The following THSD7B variants were observed in gnomAD, a reference collection of about 807,000 sequenced individuals.
THSD7B encodes thrombospondin type-1 domain-containing protein 7B.
THSD7B carries 138 observed loss-of-function variants against 213.6 expected under a neutral mutation model. The observed-to-expected ratio is 0.65, with a 90% CI of 0.56 to 0.74. The LOEUF is 0.74. Ranked by LOEUF, THSD7B falls within the 30% of genes least tolerant of loss-of-function variation. THSD7B has a pLI of 0.00. For synonymous variants in THSD7B, 742 were observed against 687.0 expected, an observed-to-expected ratio of 1.08 and a Z score of -1.25; for missense variants, 1,931 against 1,991.5, an observed-to-expected ratio of 0.97 and a Z score of 0.58.
chr2:137,663,478 A>T lies in THSD7B; in HGVS notation c.4554A>T (p.Lys1518Asn). 6.2e-7 allele frequency: 1 copy of T among 1,602,650 alleles called. No homozygotes were observed. Among genetic ancestry groups the T allele is most frequent in the Non-Finnish European group, 8.5e-7 (1 of 1,173,810 alleles). The change falls in exon 26 of 28, where the codon AAA becomes AAT. Residue 1518 changes from lysine (K) to asparagine (N), a missense_variant. Lys to Asn is a moderately conservative substitution (Grantham distance 94). Coordinates refer to ENST00000409968, the MANE Select transcript of THSD7B (RefSeq NM_001316349.2). ...TGAAAGTACCAGGCTCAGAGGATAAAAAAGCTGATGTGAAAAACCTTTCTG... is the reference window on the plus strand; with the variant it reads ...TGAAAGTACCAGGCTCAGAGGATAATAAAGCTGATGTGAAAAACCTTTCTG... ...YCMKVPGSED[K>N]KADVKNLSGK...
intron 3 of THSD7B, among the ~76,000 whole-genome samples, chr2:137,076,534 T>C (rs1315801506): frequency 6.6e-6 from 1 of 152,240 alleles, no homozygotes; most frequent in Non-Finnish European, 1.5e-5. Flanking sequence ...CCCCTTGTGC[T>C]TCCCGGGTGA....
chr2:136,819,746 G>A (rs941534309), intron 1 of THSD7B, among the ~76,000 whole-genome samples: 3 of 152,090 alleles, frequency 2.0e-5, no homozygotes, highest in African/African-American at 7.2e-5. Flanking sequence ...AATTATATTG[G>A]CCAATGCATT....
In THSD7B at chr2:137,098,907, A is replaced by T. The variant is rs114039576; in HGVS notation, c.1199+3786A>T. Among the ~76,000 whole-genome samples the T allele has an allele frequency of 2.6e-3, 392 of 152,282 alleles. 3 individuals are homozygous for T. The highest frequency in any genetic ancestry group is 9.1e-3 in the African/African-American group (380 of 41,556). On this transcript the variant is annotated intron_variant, in intron 4 of 27. Coordinates refer to ENST00000409968, the MANE Select transcript of THSD7B (RefSeq NM_001316349.2). ...AGCAACTAATTTAACTTGAAAGGAG[A>T]CAGAGACAGTTTATGTTATGCTATC... is the stretch of plus-strand genomic sequence containing the variant.
chr2:137,215,799 A>C (rs1398848266), intron 7 of THSD7B, among the ~76,000 whole-genome samples: 1 of 152,186 alleles, frequency 6.6e-6, no homozygotes, highest in Non-Finnish European at 1.5e-5. Context: ...CAAATTTTGA[A>C]TATTTCTTCT....
intron 12 of THSD7B, among the ~76,000 whole-genome samples, chr2:137,321,335 A>G (rs2104879356): frequency 6.6e-6 from 1 of 152,310 alleles, no homozygotes; most frequent in East Asian, 1.9e-4. Context: ...AAACTGGAAG[A>G]ATCTAAAATA....
At chr2:136,911,133 A>C (rs1294613889) in intron 2 of THSD7B, among the ~76,000 whole-genome samples, 1 of 152,178 alleles carries the variant, frequency 6.6e-6, no homozygotes, top group Admixed American at 6.5e-5. Flanking sequence ...TTGGTCAGCA[A>C]AATCAACTTT....
chr2:137,081,802 T>C (rs1687751992), intron 3 of THSD7B, among the ~76,000 whole-genome samples: 1 of 152,186 alleles, frequency 6.6e-6, no homozygotes, highest in South Asian at 2.1e-4. Flanking sequence ...ATTTATTTCA[T>C]GAATAAGGTT....
At chr2:137,350,342 A>G (rs1436766755) in intron 12 of THSD7B, among the ~76,000 whole-genome samples, 1 of 151,888 alleles carries the variant, frequency 6.6e-6, no homozygotes, top group African/African-American at 2.4e-5. Flanking sequence ...GGAAGAGGAG[A>G]AAGAGTATTT....
chr2:136,859,063 G>A (rs1014009236), intron 1 of THSD7B, among the ~76,000 whole-genome samples: 1 of 152,200 alleles, frequency 6.6e-6, no homozygotes, highest in South Asian at 2.1e-4. Flanking sequence ...CAGCTGAAAA[G>A]ATCAATGAAC....
intron 2 of THSD7B, among the ~76,000 whole-genome samples, chr2:137,006,932 A>C (rs1013988552): frequency 3.9e-5 from 6 of 152,222 alleles, no homozygotes; most frequent in South Asian, 2.1e-4. Flanking sequence ...AAAAACTGAC[A>C]TATAAAAAAT....
intron 12 of THSD7B, among the ~76,000 whole-genome samples, chr2:137,292,002 T>A (rs1683350999): frequency 6.6e-6 from 1 of 152,100 alleles, no homozygotes; most frequent in South Asian, 2.1e-4. Context: ...TTTTCAGTGG[T>A]CACAACTAGG....
chr2:137,584,522 T>C (rs1300887767), intron 17 of THSD7B, among the ~76,000 whole-genome samples: 2 of 152,208 alleles, frequency 1.3e-5, no homozygotes, highest in African/African-American at 4.8e-5. Flanking sequence ...CAATACCTAG[T>C]TTATTGAGAG....
chr2:137,458,268 T>C (rs1289243784), intron 15 of THSD7B, among the ~76,000 whole-genome samples: 2 of 152,172 alleles, frequency 1.3e-5, no homozygotes, highest in Non-Finnish European at 2.9e-5. Flanking sequence ...ATGTGATCAT[T>C]CTTTGAACCT....
At chr2:137,521,516 G>T (rs551812403) in intron 15 of THSD7B, among the ~76,000 whole-genome samples, 1 of 152,234 alleles carries the variant, frequency 6.6e-6, no homozygotes, top group African/African-American at 2.4e-5. Flanking sequence ...CTTCTCATTG[G>T]ACCCTTTCTC....
At chr2:137,190,911 C>T (rs192582191) in intron 7 of THSD7B, among the ~76,000 whole-genome samples, 23 of 152,300 alleles carry the variant, frequency 1.5e-4, no homozygotes, top group Admixed American at 1.3e-3. Flanking sequence ...TTGCTGGCAG[C>T]GGACTGCTGC....
intron 2 of THSD7B, among the ~76,000 whole-genome samples, chr2:137,037,856 C>T (rs1299822540): frequency 6.6e-6 from 1 of 151,932 alleles, no homozygotes; most frequent in East Asian, 1.9e-4. Context: ...CTTTTATGGA[C>T]ATTAAGGAGG....
intron 2 of THSD7B, among the ~76,000 whole-genome samples, chr2:137,020,301 C>G (rs1026624294): frequency 6.6e-6 from 1 of 152,124 alleles, no homozygotes; most frequent in Non-Finnish European, 1.5e-5. Flanking sequence ...GAATGGAGCA[C>G]GGTGGCACAT....
Position 137,157,183 on chromosome 2 carries a change from G to T in THSD7B, c.1370-3030G>T, listed in dbSNP as rs1360228043. On this transcript the variant is annotated intron_variant, in intron 5 of 27. Transcript: ENST00000409968. ...CCAGTGGGAGCAAATACACTCATAT[G>T]CAACAAGTTATATGAAGCAGATTTA... is the stretch of plus-strand genomic sequence containing the variant. Among the ~76,000 whole-genome samples, 8 of 152,306 alleles carry T rather than the reference G, an allele frequency of 5.3e-5. 1 individual carries two copies. The South Asian group carries it at 1.2e-3, about 24-fold the overall frequency.
At chr2:137,563,426 G>A (rs1039168466) in intron 16 of THSD7B, 72 bp downstream of exon 16, 15 of 1,558,712 alleles carry the variant, frequency 9.6e-6, no homozygotes, top group Non-Finnish European at 9.6e-6. Flanking sequence ...AAACAACAGT[G>A]ATGTTTATCC....
Sources: allele counts gnomAD v4.1 joint callset (sites outside exome capture counted in the v4.1 genomes callset), GRCh38; gene constraint gnomAD v4.1.1; transcripts MANE v1.5; gene names NCBI Gene and HGNC (gene_info 2026-07-23, HGNC 2026-07-21).